Variants in IL19 observed in about 807,000 individuals in gnomAD.
IL19 encodes interleukin-19.
IL19 carries 15 observed loss-of-function variants against 19.5 expected under a neutral mutation model. The observed-to-expected ratio is 0.77, with a 90% CI of 0.52 to 1.19. IL19 has a LOEUF of 1.19. IL19 is among the 50% of genes most tolerant of loss of function. The probability of loss-of-function intolerance (pLI) is 0.00; values close to 1 mark genes in which losing one functional copy is unlikely to be tolerated. For missense variants in IL19, 199 were observed against 213.1 expected (o/e 0.93, Z 0.41); for synonymous variants, 78 against 78.3 (o/e 1.00, Z 0.02).
At chr1:206,806,848 T>C (rs911381277) in intron 2 of IL19, among the ~76,000 whole-genome samples, 1 of 152,212 alleles carries the variant, frequency 6.6e-6, no homozygotes, top group Non-Finnish European at 1.5e-5. Context: ...ATTTTGTACA[T>C]GTCATCCAAT....
At chr1:206,838,736 TTTCCCTTCCCTTCCCTTCCCTTCCC>T (rs528779104) in intron 4 of IL19, among the ~76,000 whole-genome samples, 151 of 117,198 alleles carry the variant, frequency 1.3e-3, no homozygotes, top group Middle Eastern at 3.8e-3. Context: ...CTTCCCTTCC[TTTCCCTTCCCTTCCCTTCCCTTCCC>T]TTCCCTTCCC....
intron 5 of IL19, among the ~76,000 whole-genome samples, 165 bp from the exon 6 acceptor site, chr1:206,840,839 T>C (rs1676990483): frequency 6.6e-6 from 1 of 152,226 alleles, no homozygotes; most frequent in African/African-American, 2.4e-5. Context: ...CAGGTGACTC[T>C]ACAGACAAGC....
Position 206,770,845 on chromosome 1 carries a change from T to G in IL19, c.-382T>G. The G allele has an allele frequency of 1.3e-6, 2 of 1,503,294 alleles. No individual in the cohort carries two copies. The highest frequency in any genetic ancestry group is 1.9e-6 in the Non-Finnish European group (2 of 1,078,112). The allele number at this position is 1,503,294 out of a possible 1,614,324, so 93.1% of individuals were successfully genotyped here. A position where few individuals can be genotyped will look rare whatever the true frequency, so the allele number is the denominator to read the frequency against. ...TGTCTGTGGATGTGAGTGTCCCTGC[T>G]GGTCTGTAGGAGATGGTATTTTGGG... On this transcript the variant is annotated 5_prime_UTR_variant, in exon 1 of 7. Coordinates refer to ENST00000659997, the MANE Select transcript of IL19 (RefSeq NM_153758.5).
At chr1:206,774,272 A>G (rs1380236518) in intron 1 of IL19, among the ~76,000 whole-genome samples, 1 of 152,202 alleles carries the variant, frequency 6.6e-6, no homozygotes, top group African/African-American at 2.4e-5. Flanking sequence ...GAAACCTAAG[A>G]ATCAGGAAGT....
At chr1:206,783,559 G>C (rs1011452838) in intron 1 of IL19, among the ~76,000 whole-genome samples, 1 of 152,294 alleles carries the variant, frequency 6.6e-6, no homozygotes, top group South Asian at 2.1e-4. Context: ...AGCGGCTAAG[G>C]GTTGTGCACT....
intron 1 of IL19, among the ~76,000 whole-genome samples, chr1:206,793,854 G>A (rs1427179766): frequency 1.3e-5 from 2 of 152,236 alleles, no homozygotes; most frequent in South Asian, 2.1e-4. Context: ...TCATCTGGTC[G>A]AAGGGCTAGG....
chr1:206,796,052 A>G (rs1675515015), intron 1 of IL19, among the ~76,000 whole-genome samples: 1 of 151,882 alleles, frequency 6.6e-6, no homozygotes, highest in African/African-American at 2.4e-5. Flanking sequence ...GACCCAGGAA[A>G]GCCGATGGTA....
rs1677051332 is a variant in IL19, at chr1:206,842,524, C to T, written c.439-3C>T. 1.3e-6 allele frequency: 2 copies of T among 1,551,578 alleles called. No homozygotes were observed. Among genetic ancestry groups the T allele is most frequent in the African/African-American group, 1.4e-5 (1 of 73,568 alleles). ...GGGTTCTTACATTGATCTCTGATTT[C>T]AGCTGGAGGTCCACGCTGCTGCCAT... On this transcript the variant is annotated splice_region_variant and splice_polypyrimidine_tract_variant and intron_variant, in intron 6 of 6. Coordinates refer to ENST00000659997, the MANE Select transcript of IL19 (RefSeq NM_153758.5).
chr1:206,800,964 T>C (rs1339459303), intron 2 of IL19, among the ~76,000 whole-genome samples: 1 of 152,168 alleles, frequency 6.6e-6, no homozygotes, highest in Non-Finnish European at 1.5e-5. Context: ...GATGAGACAT[T>C]ACTCCTGCCT....
chr1:206,804,527 A>G (rs1483628368), intron 2 of IL19, among the ~76,000 whole-genome samples: 36 of 152,228 alleles, frequency 2.4e-4, no homozygotes, highest in Admixed American at 2.4e-3. Flanking sequence ...TAAAGTGTGC[A>G]TTGTGTGAGT....
At chr1:206,822,296 G>A (rs1286015762) in intron 2 of IL19, among the ~76,000 whole-genome samples, 3 of 152,196 alleles carry the variant, frequency 2.0e-5, no homozygotes, top group Non-Finnish European at 4.4e-5. Flanking sequence ...CAGGGCCCAC[G>A]AAGAGCCATA....
chr1:206,802,020 G>C (rs1369590020), intron 2 of IL19, among the ~76,000 whole-genome samples: 1 of 152,218 alleles, frequency 6.6e-6, no homozygotes, highest in African/African-American at 2.4e-5. Flanking sequence ...GACAAACATG[G>C]GAGCTTGCAG....
intron 2 of IL19, among the ~76,000 whole-genome samples, chr1:206,812,212 G>A (rs1676033738): frequency 6.6e-6 from 1 of 152,164 alleles, no homozygotes; most frequent in African/African-American, 2.4e-5. Flanking sequence ...AGACTACACA[G>A]GTCTGCGAAT....
chr1:206,799,640 T>G (rs1233560485), intron 2 of IL19, among the ~76,000 whole-genome samples: 1 of 152,198 alleles, frequency 6.6e-6, no homozygotes, highest in African/African-American at 2.4e-5. Flanking sequence ...CAAGACTGAC[T>G]AGTGCTCTAA....
intron 2 of IL19, among the ~76,000 whole-genome samples, chr1:206,808,071 C>T (rs1572558692): frequency 6.6e-6 from 1 of 152,230 alleles, no homozygotes; most frequent in African/African-American, 2.4e-5. Context: ...CAGCTCATGC[C>T]TGTAATCCCA....
At chr1:206,796,422 C>G (rs189304988) in intron 1 of IL19, among the ~76,000 whole-genome samples, 105 of 152,306 alleles carry the variant, frequency 6.9e-4, no homozygotes, top group Non-Finnish European at 1.1e-3. Context: ...CCATTCTTTA[C>G]GAGGCTGGTG....
chr1:206,790,621 CT>C (rs1402157018), intron 1 of IL19, among the ~76,000 whole-genome samples: 5 of 152,132 alleles, frequency 3.3e-5, no homozygotes, highest in African/African-American at 1.2e-4. Flanking sequence ...GGTTGTGGCA[CT>C]CTTGGTTTCT....
chr1:206,805,388 G>A (rs1289957952), intron 2 of IL19, among the ~76,000 whole-genome samples: 2 of 152,192 alleles, frequency 1.3e-5, no homozygotes, highest in African/African-American at 4.8e-5. Flanking sequence ...GCTGAAAAAT[G>A]AATAATAACC....
At chr1:206,832,638 T>G (rs1416802823) in intron 2 of IL19, among the ~76,000 whole-genome samples, 1 of 152,198 alleles carries the variant, frequency 6.6e-6, no homozygotes, top group Non-Finnish European at 1.5e-5. Context: ...CCCATCTCCA[T>G]GCAAATGAGA....
Sources: allele counts gnomAD v4.1 joint callset (sites outside exome capture counted in the v4.1 genomes callset), GRCh38; gene constraint gnomAD v4.1.1; transcripts MANE v1.5; gene names NCBI Gene and HGNC (gene_info 2026-07-23, HGNC 2026-07-21).